The following FAM228A variants were observed in gnomAD, a reference collection of about 807,000 sequenced individuals.
The protein encoded by FAM228A is protein FAM228A.
A neutral mutation model predicts 18.6 loss-of-function variants in FAM228A; 13 were observed. The ratio of observed to expected loss-of-function variants is 0.70; its 90% confidence interval spans 0.45 to 1.11. The LOEUF is 1.11. Among genes scored for constraint, FAM228A ranks in the 50% least tolerant of loss-of-function variants. FAM228A has a pLI of 0.00. For synonymous variants in FAM228A, 77 were observed against 86.6 expected, an observed-to-expected ratio of 0.89 and a Z score of 0.61; for missense variants, 240 against 242.2, an observed-to-expected ratio of 0.99 and a Z score of 0.06.
At chr2:24,176,137 T>G (rs960335052) in intron 2 of FAM228A, 5 of 982,884 alleles carry the variant, frequency 5.1e-6, no homozygotes, top group Non-Finnish European at 6.0e-6. Context: ...GTTTAATTTC[T>G]TTAAACAAAG....
rs535291867 is a variant in FAM228A at position 24,191,140 on chromosome 2, A to G, written c.*509A>G. 28 of 985,618 alleles carry G rather than the reference A, an allele frequency of 2.8e-5. No homozygotes were observed. In the East Asian group the frequency reaches 3.1e-3, roughly 108 times the overall value. The allele number at this position is 985,618 out of a possible 1,614,324, so 61.1% of individuals were successfully genotyped here. A position where few individuals can be genotyped will look rare whatever the true frequency, so the allele number is the denominator to read the frequency against. On this transcript the variant is annotated 3_prime_UTR_variant, in exon 6 of 6. Transcript: ENST00000295150. ...ATTTCTTATCCAGAGCTCATGGTTC[A>G]TTTGACACAGTTTTCAGCTCCTGGT...
chr2:24,190,772 C>T lies in FAM228A; in HGVS notation c.*141C>T, dbSNP rs954675256. ...TGCAGCTCTGACAGGGCCCCTCGGG[C>T]GGGGAAGCCTTGCATGAAGAAACTC... On this transcript the variant is annotated 3_prime_UTR_variant, in exon 6 of 6. Transcript: ENST00000295150. 16 of 1,334,730 alleles carry T rather than the reference C, an allele frequency of 1.2e-5. No individual in the cohort carries two copies. The highest frequency in any genetic ancestry group is 2.8e-4 in the Middle Eastern group (1 of 3,514). 82.7% of individuals were successfully genotyped at this position (1,334,730 alleles called of 1,614,324 possible).
intron 5 of FAM228A, among the ~76,000 whole-genome samples, chr2:24,183,927 T>G (rs1461911719): frequency 6.6e-6 from 1 of 152,164 alleles, no homozygotes; most frequent in Admixed American, 6.6e-5. Flanking sequence ...CCCTTCACTT[T>G]ATAAGTGTTC....
Position 24,177,860 on chromosome 2 carries a change from C to T in FAM228A, c.152C>T (p.Ser51Phe). 6.2e-7 allele frequency: 1 copy of T among 1,601,480 alleles called. No individual in the cohort carries two copies. ...TGTGCAATATTATTTAAAGAAAATTCCATTGTGAAGGTAAGAGTTGGCTCC... is the reference window on the plus strand; with the variant it reads ...TGTGCAATATTATTTAAAGAAAATTTCATTGTGAAGGTAAGAGTTGGCTCC... The part of the protein sequence containing the change: ...AVCAILFKEN[S>F]IVKVTVPPFV... The change falls in exon 3 of 6, where the codon TCC becomes TTC. Residue 51 changes from serine to phenylalanine, a missense_variant. Coordinates refer to ENST00000295150, the MANE Select transcript of FAM228A (RefSeq NM_001040710.3).
intron 1 of FAM228A, 90 bp from the exon 2 acceptor site, chr2:24,175,377 G>A (rs1667654564): frequency 1.1e-6 from 1 of 920,496 alleles, no homozygotes; most frequent in Admixed American, 2.0e-5. Context: ...GAAAGGGGCC[G>A]AGCGGGATTT....
At chr2:24,178,229 A>G (rs917130957) in intron 3 of FAM228A, among the ~76,000 whole-genome samples, 1 of 152,232 alleles carries the variant, frequency 6.6e-6, no homozygotes, top group Non-Finnish European at 1.5e-5. Context: ...TAAGCTTTTA[A>G]GGGTTATGAC....
At position 24,190,769 on chromosome 2, in the gene FAM228A, G is replaced by A. The variant is rs1359547462; in HGVS notation, c.*138G>A. On this transcript the variant is annotated 3_prime_UTR_variant, in exon 6 of 6. Coordinates refer to ENST00000295150, the MANE Select transcript of FAM228A (RefSeq NM_001040710.3). The stretch of plus-strand genomic sequence containing the variant: ...CACTGCAGCTCTGACAGGGCCCCTC[G>A]GGCGGGGAAGCCTTGCATGAAGAAA... The A allele has an allele frequency of 1.7e-5, 23 of 1,338,858 alleles. No homozygotes were observed. Among genetic ancestry groups the A allele is most frequent in the African/African-American group, 3.0e-5 (2 of 67,430 alleles). 82.9% of individuals were successfully genotyped at this position (1,338,858 alleles called of 1,614,324 possible).
rs75716641 is a variant in FAM228A, at chr2:24,188,819, GC to G, written c.402-1592del. 2.3e-3 allele frequency: 535 copies of G among 233,546 alleles called. 18 individuals are homozygous for G. In the East Asian group the frequency reaches 0.071, roughly 31 times the overall value. 14.5% of individuals were successfully genotyped at this position (233,546 alleles called of 1,614,324 possible). On this transcript the variant is annotated intron_variant, in intron 5 of 5. Transcript: ENST00000295150. ...TGCTTTTTCTTCTCTATTTATTTCA[GC>G]AGGACTTTTAGCCTGTGCAGACTTC...
In FAM228A at chr2:24,190,579, G is replaced by A. The variant is rs1668059560; in HGVS notation, c.569G>A (p.Trp190Ter). The A allele has an allele frequency of 6.2e-7, 1 of 1,607,966 alleles. No homozygotes were observed. The highest frequency in any genetic ancestry group is 1.1e-5 in the South Asian group (1 of 90,048). Residue 190 changes from tryptophan (W) to a stop codon, truncating the protein, a stop_gained, in exon 6 of 6, where the codon TGG becomes TAG. Coordinates refer to ENST00000295150, the MANE Select transcript of FAM228A (RefSeq NM_001040710.3). LOFTEE classifies it low-confidence loss of function (END_TRUNC). The part of the protein sequence containing the change: ...GLVSRGLGRG[W>*]HAGLCSTHEQ... ...GTGAGCAGAGGCCTGGGGCGGGGCT[G>A]GCATGCAGGGCTTTGCAGCACCCAC...
chr2:24,183,720 T>C (rs1228224851), intron 5 of FAM228A, 75 bp downstream of exon 5: 1 of 1,263,696 alleles, frequency 7.9e-7, no homozygotes, highest in East Asian at 2.4e-5. Flanking sequence ...CTCTTGTAAC[T>C]AGTCACACTT....
chr2:24,179,098 A>T (rs559465902), intron 3 of FAM228A: 2 of 965,204 alleles, frequency 2.1e-6, no homozygotes, highest in East Asian at 1.1e-4. Flanking sequence ...CCTTTTTTGT[A>T]TCACTTCACT....
chr2:24,188,501 A>G lies in FAM228A; in HGVS notation c.402-1911A>G, dbSNP rs140925132. 4,441 of 985,332 alleles carry G rather than the reference A, an allele frequency of 4.5e-3. 23 individuals carry two copies. The highest frequency in any genetic ancestry group is 7.6e-3 in the Admixed American group (124 of 16,274). 61.0% of individuals were successfully genotyped at this position (985,332 alleles called of 1,614,324 possible). A position where few individuals can be genotyped will look rare whatever the true frequency, so the allele number is the denominator to read the frequency against. ...TGTCCTCCATTGAGAAACCAAGCAC[A>G]TTGCTTGACTTGCCTCTTAGCGGGA... On this transcript the variant is annotated intron_variant, in intron 5 of 5. Transcript: ENST00000295150.
intron 2 of FAM228A, 24 bp downstream of exon 2, chr2:24,175,597 A>G: frequency 1.3e-6 from 2 of 1,574,362 alleles, no homozygotes; most frequent in Non-Finnish European, 1.7e-6. Flanking sequence ...GCGTTTTGAG[A>G]CGTCATTTTG....
At chr2:24,185,044 A>T (rs1413096461) in intron 5 of FAM228A, among the ~76,000 whole-genome samples, 1 of 151,950 alleles carries the variant, frequency 6.6e-6, no homozygotes, top group Non-Finnish European at 1.5e-5. Context: ...GATGGTCTTG[A>T]TCTCTTGACC....
intron 3 of FAM228A, among the ~76,000 whole-genome samples, chr2:24,179,925 G>A (rs948986928): frequency 5.3e-5 from 8 of 152,310 alleles, no homozygotes; most frequent in Admixed American, 1.3e-4. Context: ...AGTGGGCAGA[G>A]GAGAATGGTA....
chr2:24,185,193 T>G (rs187792510), intron 5 of FAM228A, among the ~76,000 whole-genome samples: 1 of 152,346 alleles, frequency 6.6e-6, no homozygotes, highest in East Asian at 1.9e-4. Context: ...ATGTATTTTA[T>G]GTGGGGCCCA....
At chr2:24,189,790 G>A (rs754706151) in intron 5 of FAM228A, among the ~76,000 whole-genome samples, 7 of 152,132 alleles carry the variant, frequency 4.6e-5, no homozygotes, top group Admixed American at 3.9e-4. Flanking sequence ...AGGTGAGGCA[G>A]AGACAGTTTG....
chr2:24,179,507 G>A (rs1051197685), intron 3 of FAM228A, among the ~76,000 whole-genome samples: 4 of 152,184 alleles, frequency 2.6e-5, no homozygotes, highest in Non-Finnish European at 4.4e-5. Context: ...TTATGTAGAC[G>A]TTAATGGAGT....
intron 5 of FAM228A, 151 bp from the exon 6 acceptor site, chr2:24,190,261 G>C: frequency 1.1e-6 from 1 of 948,320 alleles, no homozygotes; most frequent in Non-Finnish European, 1.5e-6. Context: ...GACAGGGCAG[G>C]CAGATTGAGG....
Sources: gnomAD v4.1 joint callset for allele counts (sites outside exome capture counted in the v4.1 genomes callset) on GRCh38, gnomAD v4.1.1 for gene constraint, MANE v1.5 for transcripts, NCBI Gene and HGNC (gene_info 2026-07-23, HGNC 2026-07-21) for gene names.